The following ASCC1 variants were observed in gnomAD, a reference collection of about 807,000 sequenced individuals.
ASCC1 encodes the protein activating signal cointegrator 1 complex subunit 1.
Under a neutral mutation model 46.6 loss-of-function variants are expected in ASCC1, and 35 were observed. The observed-to-expected ratio is 0.75, with a 90% CI of 0.57 to 0.99. The LOEUF is 0.99. ASCC1 is among the 50% of genes least tolerant of loss of function. The pLI is 0.00. For missense variants in ASCC1, 376 were observed against 428.7 expected (o/e 0.88, Z 1.09); for synonymous variants, 143 against 146.6 (o/e 0.98, Z 0.18).
chr10:72,131,206 GTCAGGAGTTCAAGA>G, intron 8 of ASCC1, among the ~76,000 whole-genome samples: 1 of 152,176 alleles, frequency 6.6e-6, no homozygotes, highest in African/African-American at 2.4e-5. Context: ...GGATCACAAG[GTCAGGAGTTCAAGA>G]TCAGCCTGGC....
intron 4 of ASCC1, among the ~76,000 whole-genome samples, chr10:72,202,257 A>G (rs915728925): frequency 4.6e-5 from 7 of 152,178 alleles, no homozygotes; most frequent in African/African-American, 1.7e-4. Flanking sequence ...ACTTGAGGCC[A>G]GAAGTTTGAG....
intron 5 of ASCC1, among the ~76,000 whole-genome samples, chr10:72,188,275 C>T (rs1251832783): frequency 1.3e-5 from 2 of 151,740 alleles, no homozygotes; most frequent in East Asian, 1.9e-4. Flanking sequence ...CACACCACCA[C>T]GCCCAGCTAA....
At chr10:72,190,889 T>C (rs1233271213) in intron 5 of ASCC1, among the ~76,000 whole-genome samples, 2 of 148,290 alleles carry the variant, frequency 1.3e-5, no homozygotes, top group African/African-American at 2.5e-5. Flanking sequence ...CCAGCTACTC[T>C]ATAGGCTGAG....
chr10:72,164,021 G>T (rs1850031774), intron 5 of ASCC1, among the ~76,000 whole-genome samples: 1 of 151,984 alleles, frequency 6.6e-6, no homozygotes, highest in African/African-American at 2.4e-5. Context: ...AGAGTGCAAT[G>T]ATGCGATCTT....
rs183882547 is a variant in ASCC1, at chr10:72,182,206, G to A, written c.489+14605C>T. ...AGGAAGAACCCTAAAAACCAGTTAAGAAGTTGCAGGAACCAAACATACACC... is the reference window on the plus strand; with the variant it reads ...AGGAAGAACCCTAAAAACCAGTTAAAAAGTTGCAGGAACCAAACATACACC... On this transcript the variant is annotated intron_variant, in intron 5 of 9. Coordinates refer to ENST00000672957, the MANE Select transcript of ASCC1 (RefSeq NM_001198800.3). Among the ~76,000 whole-genome samples the A allele has an allele frequency of 2.3e-3, 348 of 152,260 alleles. 3 individuals carry two copies. Among genetic ancestry groups the A allele is most frequent in the Admixed American group, 0.021 (316 of 15,284 alleles).
intron 4 of ASCC1, among the ~76,000 whole-genome samples, chr10:72,202,202 C>G (rs1182032158): frequency 6.6e-6 from 1 of 152,164 alleles, no homozygotes; most frequent in African/African-American, 2.4e-5. Flanking sequence ...ACATGGTGCT[C>G]ACGCCTGTAA....
intron 4 of ASCC1, among the ~76,000 whole-genome samples, chr10:72,198,850 T>C (rs1002054008): frequency 5.9e-5 from 9 of 152,220 alleles, no homozygotes; most frequent in Non-Finnish European, 1.3e-4. Context: ...AGAGTCTTGC[T>C]CTGTCACCCA....
Position 72,096,366 on chromosome 10 carries a change from T to C in ASCC1, c.*968A>G, listed in dbSNP as rs547636265. ...GTCCTGCTGATATCATCAGTTTCTT[T>C]TGCTGCTGCCTTGAAAAGTAAACAA... On this transcript the variant is annotated 3_prime_UTR_variant, in exon 10 of 10. Transcript: ENST00000672957. The C allele has an allele frequency of 1.3e-4, 59 of 454,076 alleles. No homozygotes were observed. The highest frequency in any genetic ancestry group is 1.1e-3 in the African/African-American group (55 of 50,094). The allele number at this position is 454,076 out of a possible 1,614,324, so 28.1% of individuals were successfully genotyped here. A position where few individuals can be genotyped will look rare whatever the true frequency, so the allele number is the denominator to read the frequency against.
intron 5 of ASCC1, among the ~76,000 whole-genome samples, chr10:72,191,295 GACCTCGTGATCCACCC>G (rs1311774510): frequency 6.7e-6 from 1 of 149,574 alleles, no homozygotes; most frequent in Non-Finnish European, 1.5e-5. Flanking sequence ...TCAAACCCCT[GACCTCGTGATCCACCC>G]ACCTCGGCCT....
chr10:72,152,927 C>T lies in ASCC1; in HGVS notation c.688G>A (p.Asp230Asn). The T allele has an allele frequency of 6.2e-7, 1 of 1,614,122 alleles. No homozygotes were observed. Among genetic ancestry groups the T allele is most frequent in the Non-Finnish European group, 8.5e-7 (1 of 1,179,988 alleles). ...TAAAGAACATCCACCATGCCAGGAT[C>T]ATCATTCATGTATTCTATCCCTGCC... ...EMAGIEYMND[D>N]PGMVDVLYAK... The change falls in exon 7 of 10, where the codon GAT (aspartate) becomes AAT (asparagine). Residue 230 changes from aspartate to asparagine, a missense_variant. By Grantham distance (23) the Asp-to-Asn change is conservative. Coordinates refer to ENST00000672957, the MANE Select transcript of ASCC1 (RefSeq NM_001198800.3).
intron 9 of ASCC1, among the ~76,000 whole-genome samples, chr10:72,099,407 G>C (rs1333853543): frequency 1.3e-5 from 2 of 152,246 alleles, no homozygotes; most frequent in African/African-American, 2.4e-5. Context: ...GCTGTGGAAA[G>C]AGTGCTGGAT....
rs866491086 is a variant in ASCC1 at position 72,127,664 on chromosome 10, C to T, written c.957+418G>A. Among the ~76,000 whole-genome samples the T allele has an allele frequency of 3.4e-3, 443 of 129,898 alleles. 3 individuals are homozygous for T. Among genetic ancestry groups the T allele is most frequent in the African/African-American group, 0.01 (330 of 32,444 alleles). 85.2% of individuals were successfully genotyped at this position (129,898 alleles called of 152,430 possible). ...AAGTGGTTGGAATACCTAAGGGTTT[C>T]TTTTTTTTTTTTTTTCCTAAGTGTT... On this transcript the variant is annotated intron_variant, in intron 9 of 9. Coordinates refer to ENST00000672957, the MANE Select transcript of ASCC1 (RefSeq NM_001198800.3).
At chr10:72,111,254 A>G (rs1339236406) in intron 9 of ASCC1, among the ~76,000 whole-genome samples, 1 of 152,138 alleles carries the variant, frequency 6.6e-6, no homozygotes, top group Admixed American at 6.5e-5. Flanking sequence ...TTGCGGGGCC[A>G]AGGTGGGTGG....
intron 5 of ASCC1, among the ~76,000 whole-genome samples, chr10:72,191,839 G>A (rs867234968): frequency 3.5e-4 from 53 of 151,698 alleles, no homozygotes; most frequent in Middle Eastern, 3.4e-3. Flanking sequence ...GTAGAGACGG[G>A]GCTTCACCAC....
chr10:72,115,446 A>C (rs1200283516), intron 9 of ASCC1, among the ~76,000 whole-genome samples: 1 of 152,226 alleles, frequency 6.6e-6, no homozygotes, highest in Admixed American at 6.5e-5. Flanking sequence ...GTATCATTTG[A>C]ATACAGGGAG....
chr10:72,100,229 C>CTT (rs112663918), intron 9 of ASCC1, among the ~76,000 whole-genome samples: 1 of 143,564 alleles, frequency 7.0e-6, no homozygotes, highest in African/African-American at 2.5e-5. Context: ...ATTGTTATAT[C>CTT]TTTTTTTTTT....
chr10:72,189,276 C>T (rs947025609), intron 5 of ASCC1, among the ~76,000 whole-genome samples: 3 of 151,310 alleles, frequency 2.0e-5, no homozygotes, highest in Admixed American at 1.3e-4. Context: ...GGCGGGGTGG[C>T]GGGCGCCTGT....
At chr10:72,139,696 A>C (rs1285583993) in intron 7 of ASCC1, among the ~76,000 whole-genome samples, 1 of 152,202 alleles carries the variant, frequency 6.6e-6, no homozygotes, top group Admixed American at 6.5e-5. Flanking sequence ...CTTTACAAAT[A>C]AGGAGTTTGT....
At chr10:72,161,489 A>C (rs1474071204) in intron 6 of ASCC1, 49 bp downstream of exon 6, 1 of 1,613,582 alleles carries the variant, frequency 6.2e-7, no homozygotes, top group Non-Finnish European at 8.5e-7. Context: ...TACCAAAAAG[A>C]AGCCAGCCCA....
Sources: allele counts gnomAD v4.1 joint callset (sites outside exome capture counted in the v4.1 genomes callset), GRCh38; gene constraint gnomAD v4.1.1; transcripts MANE v1.5; gene names NCBI Gene and HGNC (gene_info 2026-07-23, HGNC 2026-07-21).